The following KCNC4 variants were observed in gnomAD, a reference collection of about 807,000 sequenced individuals.
KCNC4 encodes the protein voltage-gated potassium channel KCNC4.
A neutral mutation model predicts 42.8 loss-of-function variants in KCNC4; 23 were observed. The ratio of observed to expected loss-of-function variants is 0.54; its 90% confidence interval spans 0.39 to 0.76. The LOEUF (loss-of-function observed/expected upper bound fraction) is 0.76. Ranked by LOEUF, KCNC4 falls within the 30% of genes least tolerant of loss-of-function variation. The probability of loss-of-function intolerance (pLI) is 0.00; values close to 1 mark genes in which losing one functional copy is unlikely to be tolerated. For synonymous variants in KCNC4, 422 were observed against 393.5 expected (o/e 1.07, Z -0.86); for missense variants, 751 against 898.2 (o/e 0.84, Z 2.10).
In KCNC4 at chr1:110,223,262, A is replaced by G. The variant is rs1313611237; in HGVS notation, c.977A>G (p.Tyr326Cys). 6.2e-7 allele frequency: 1 copy of G among 1,614,162 alleles called. No homozygotes were observed. The highest frequency in any genetic ancestry group is 8.5e-7 in the Non-Finnish European group (1 of 1,180,010). ...IIDFVAILPF[Y>C]LEVGLSGLSS... is the part of the protein sequence containing the mutation. ...GACTTTGTGGCCATCCTGCCCTTCT[A>G]CCTGGAGGTGGGGCTGAGCGGCCTG... Residue 326 changes from tyrosine to cysteine, a missense_variant, in exon 2 of 4, where the codon TAC becomes TGC. Tyr to Cys is a radical substitution (Grantham distance 194, BLOSUM62 -2). Coordinates refer to ENST00000438661, the MANE Select transcript of KCNC4 (RefSeq NM_001039574.3). The surrounding 1 kb of genome is among the most constrained non-coding windows in gnomAD (Gnocchi z 7.5).
In KCNC4 at chr1:110,223,603, G is replaced by A. The variant is rs1445225708; in HGVS notation, c.1318G>A (p.Gly440Arg). 1.2e-6 allele frequency: 2 copies of A among 1,614,078 alleles called. No individual in the cohort carries two copies. Among genetic ancestry groups the A allele is most frequent in the Non-Finnish European group, 1.7e-6 (2 of 1,180,048 alleles). The change falls in exon 2 of 4, where the codon GGA becomes AGA. Residue 440 changes from glycine (G) to arginine (R), a missense_variant. Gly to Arg is a moderately radical substitution (Grantham distance 125, BLOSUM62 -2). Coordinates refer to ENST00000438661, the MANE Select transcript of KCNC4 (RefSeq NM_001039574.3). This position sits in a 1 kb window ranked among gnomAD's most constrained non-coding sequence, Gnocchi z 7.5. ...AVVTMTTLGY[G>R]DMYPKTWSGM... ...GGTCACCATGACGACACTGGGCTAC[G>A]GAGACATGTACCCCAAGACGTGGTC...
At chr1:110,229,568 C>T (rs1326673481) in intron 3 of KCNC4, among the ~76,000 whole-genome samples, 2 of 152,224 alleles carry the variant, frequency 1.3e-5, no homozygotes, top group African/African-American at 2.4e-5. Flanking sequence ...TCTGAGTCAC[C>T]TGCCATTCCC....
chr1:110,217,347 C>A (rs376564461), intron 1 of KCNC4, among the ~76,000 whole-genome samples: 363 of 152,282 alleles, frequency 2.4e-3, no homozygotes, highest in Non-Finnish European at 4.2e-3. Context: ...TTGTAGGATA[C>A]TGACTTAGTG....
chr1:110,223,405 C>G lies in KCNC4; in HGVS notation c.1120C>G (p.Leu374Val), dbSNP rs771226795. 6.2e-7 allele frequency: 1 copy of G among 1,613,980 alleles called. No individual in the cohort carries two copies. Among genetic ancestry groups the G allele is most frequent in the South Asian group, 1.1e-5 (1 of 91,090 alleles). ...FVGLRVLGHTLRASTNEFLLL... is the reference protein window; with the variant it reads ...FVGLRVLGHTVRASTNEFLLL... ...GGGGCTACGCGTGCTGGGCCACACC[C>G]TGAGGGCCAGCACCAATGAGTTCCT... The change falls in exon 2 of 4, where the codon CTG becomes GTG. Residue 374 changes from leucine (L) to valine (V), a missense_variant. This residue lies in a region of KCNC4 where 185 missense variants were observed against 293.7 expected (regional missense o/e 0.63). Coordinates refer to ENST00000438661, the MANE Select transcript of KCNC4 (RefSeq NM_001039574.3). This position sits in a 1 kb window ranked among gnomAD's most constrained non-coding sequence, Gnocchi z 7.5.
chr1:110,227,200 C>G (rs1658442425), intron 3 of KCNC4, among the ~76,000 whole-genome samples: 1 of 152,228 alleles, frequency 6.6e-6, no homozygotes, highest in Non-Finnish European at 1.5e-5. Context: ...CAGACCCAAA[C>G]TAGGTTGAGT....
At chr1:110,258,458 G>A (rs1659373541) in intron 1 of KCNC4, among the ~76,000 whole-genome samples, 2 of 152,110 alleles carry the variant, frequency 1.3e-5, no homozygotes, top group Admixed American at 6.5e-5. Context: ...GGATGGTCTC[G>A]ATCTCTTGAC....
chr1:110,227,151 T>C (rs1341916612), intron 3 of KCNC4, among the ~76,000 whole-genome samples: 1 of 152,182 alleles, frequency 6.6e-6, no homozygotes, highest in Non-Finnish European at 1.5e-5. Context: ...CTTAACCAGC[T>C]GGATTTCCCA....
At chr1:110,226,981 C>G (rs1557861313) in intron 3 of KCNC4, among the ~76,000 whole-genome samples, 2 of 152,286 alleles carry the variant, frequency 1.3e-5, no homozygotes, top group South Asian at 2.1e-4. Flanking sequence ...GGCTGAGAAC[C>G]AGGGGTCTTA....
intron 1 of KCNC4, chr1:110,222,700 A>G: frequency 6.5e-6 from 3 of 461,264 alleles, no homozygotes; most frequent in Non-Finnish European, 7.9e-6. Flanking sequence ...CAGGTCTAGC[A>G]GCTGTAGATA....
chr1:110,241,430 G>A (rs1358540224), exon 4 of KCNC4: 1 of 152,082 alleles, frequency 6.6e-6, no homozygotes. Flanking sequence ...TGACAGCCTT[G>A]TTCTCTGTGA....
In KCNC4 at chr1:110,223,369, C is replaced by T. The variant is rs1202224349; in HGVS notation, c.1084C>T (p.Arg362Cys). Reference sequence around the variant, plus strand: ...CATCCTGCGTATCTTCAAGCTCACACGCCACTTCGTGGGGCTACGCGTGCT... The same window carrying T: ...CATCCTGCGTATCTTCAAGCTCACATGCCACTTCGTGGGGCTACGCGTGCT... Reference protein sequence around the residue: ...VRILRIFKLTRHFVGLRVLGH... With the variant: ...VRILRIFKLTCHFVGLRVLGH... Residue 362 changes from arginine to cysteine, a missense_variant, in exon 2 of 4, where the codon CGC becomes TGC. Coordinates refer to ENST00000438661, the MANE Select transcript of KCNC4 (RefSeq NM_001039574.3). This position sits in a 1 kb window ranked among gnomAD's most constrained non-coding sequence, Gnocchi z 7.5. The T allele has an allele frequency of 6.2e-7, 1 of 1,613,806 alleles. No homozygotes were observed. Among genetic ancestry groups the T allele is most frequent in the Admixed American group, 1.7e-5 (1 of 60,030 alleles).
chr1:110,228,303 C>A (rs543652253), intron 3 of KCNC4, among the ~76,000 whole-genome samples: 108 of 152,198 alleles, frequency 7.1e-4, no homozygotes, highest in African/African-American at 2.5e-3. Context: ...TCTAGCTGGG[C>A]TATCAAGGAG....
exon 4 of KCNC4, chr1:110,248,398 A>T (rs1302401005): frequency 1.3e-5 from 2 of 152,178 alleles, no homozygotes; most frequent in South Asian, 2.1e-4. Flanking sequence ...TTATTAATTA[A>T]GGGCTCAAAG....
At chr1:110,244,604 A>G (rs1304629541) in exon 4 of KCNC4, 1 of 152,070 alleles carries the variant, frequency 6.6e-6, no homozygotes, top group African/African-American at 2.4e-5. Context: ...AACCCCCAAC[A>G]CACAATATGA....
intron 1 of KCNC4, among the ~76,000 whole-genome samples, chr1:110,263,897 C>T (rs577938333): frequency 6.6e-6 from 1 of 152,102 alleles, no homozygotes; most frequent in Non-Finnish European, 1.5e-5. Flanking sequence ...GGCTTTTTCT[C>T]TCCTCTGGGT....
At chr1:110,224,150 A>C in intron 2 of KCNC4, 2 of 488,666 alleles carry the variant, frequency 4.1e-6, no homozygotes, top group East Asian at 3.2e-5. Flanking sequence ...TGGGCAGTAC[A>C]TGGGGCTGTA....
In KCNC4 at chr1:110,211,719, C is replaced by T. The variant is rs1181006434; in HGVS notation, c.220C>T (p.Pro74Ser). The T allele has an allele frequency of 6.2e-7, 1 of 1,608,496 alleles. No individual in the cohort carries two copies. Among genetic ancestry groups the T allele is most frequent in the Admixed American group, 1.7e-5 (1 of 59,478 alleles). Residue 74 changes from proline to serine, a missense_variant, in exon 1 of 4, where the codon CCC (proline) becomes TCC (serine). Pro to Ser is a moderately conservative substitution (Grantham distance 74). Transcript: ENST00000438661. The surrounding 1 kb of genome is among the most constrained non-coding windows in gnomAD (Gnocchi z 6.5). ...GGCCGACCCCGACGGCGGGGGCCGG[C>T]CCGAGACCGATGGCGGCGGTGTGGG... ...WLADPDGGGR[P>S]ETDGGGVGSS...
In KCNC4 at chr1:110,223,275, G is replaced by T. The variant is rs1302508540; in HGVS notation, c.990G>T (p.Gly330=). Residue 330 remains glycine, a synonymous_variant, in exon 2 of 4, where the codon GGG becomes GGT. Transcript: ENST00000438661. This position sits in a 1 kb window ranked among gnomAD's most constrained non-coding sequence, Gnocchi z 7.5. ...VAILPFYLEV[G]LSGLSSKAAR... ...TCCTGCCCTTCTACCTGGAGGTGGGGCTGAGCGGCCTGTCATCCAAGGCGG... is the reference window on the plus strand; with the variant it reads ...TCCTGCCCTTCTACCTGGAGGTGGGTCTGAGCGGCCTGTCATCCAAGGCGG... 6.2e-6 allele frequency: 10 copies of T among 1,614,210 alleles called. No individual in the cohort carries two copies. Among genetic ancestry groups the T allele is most frequent in the Non-Finnish European group, 8.5e-6 (10 of 1,180,032 alleles).
At position 110,259,610 on chromosome 1, in the gene KCNC4, C is replaced by T. The variant is rs988877129; in HGVS notation, n.31-22924C>T. 2.6e-5 allele frequency among the ~76,000 whole-genome samples: 4 copies of T among 152,274 alleles called. No homozygotes were observed. The East Asian group carries it at 7.7e-4, about 29-fold the overall frequency. On this transcript the variant is annotated intron_variant and non_coding_transcript_variant, in intron 1 of 2. Transcript: ENST00000412512. ...AGAGGCTGCATTTGGCCTCACCCTT[C>T]CCCTTCTTCCTGCCTGGAGGAGGAG...
Sources: gnomAD v4.1 joint callset for allele counts (sites outside exome capture counted in the v4.1 genomes callset) on GRCh38, gnomAD v4.1.1 for gene constraint, gnomAD v4.1.1 regional missense constraint, Gnocchi (gnomAD v3.1) non-coding constraint, MANE v1.5 for transcripts, NCBI Gene and HGNC (gene_info 2026-07-23, HGNC 2026-07-21) for gene names.